OR14A2: variants seen among roughly 807,000 people sequenced by gnomAD.
OR14A2 encodes olfactory receptor 14A2.
For missense variants in OR14A2, 237 were observed against 152.9 expected (o/e 1.55, Z -2.90); for synonymous variants, 114 against 58.6 (o/e 1.95, Z -4.32).
chr1:247,734,024 C>T, the OR14A2 span, among the ~76,000 whole-genome samples: 1 of 152,054 alleles, frequency 6.6e-6, no homozygotes, highest in African/African-American at 2.4e-5. Flanking sequence ...AAAACAATAT[C>T]ATTTATATTA....
chr1:247,735,578 C>T, the OR14A2 span, among the ~76,000 whole-genome samples: 3 of 152,134 alleles, frequency 2.0e-5, no homozygotes, highest in African/African-American at 7.2e-5. Context: ...AATATAAGTA[C>T]AAGTAAAAGT....
At chr1:247,725,569 T>C (rs1558306561), upstream of OR14A2, among the ~76,000 whole-genome samples, 9 of 149,996 alleles carry the variant, frequency 6.0e-5, no homozygotes, top group Admixed American at 5.3e-4. Flanking sequence ...TTAGGGTACA[T>C]GTGCACATTG....
upstream of OR14A2, among the ~76,000 whole-genome samples, chr1:247,725,485 TTTTATTTATTTATTTA>T: frequency 6.7e-6 from 1 of 149,950 alleles, no homozygotes; most frequent in South Asian, 2.1e-4. Context: ...ATCTACAAGA[TTTTATTTATTTATTTA>T]TTTATTTATT....
chr1:247,740,813 T>C, the OR14A2 span, among the ~76,000 whole-genome samples: 2 of 152,226 alleles, frequency 1.3e-5, no homozygotes, highest in Admixed American at 6.5e-5. Flanking sequence ...TATCAGACAC[T>C]TTTGTGTATA....
At chr1:247,730,818 C>T in the OR14A2 span, among the ~76,000 whole-genome samples, 3 of 152,046 alleles carry the variant, frequency 2.0e-5, no homozygotes, top group African/African-American at 7.2e-5. Context: ...TGTGAATTCA[C>T]CTTTCTTCTG....
At chr1:247,725,435 ATAAT>A (rs1249046060), upstream of OR14A2, among the ~76,000 whole-genome samples, 5 of 151,962 alleles carry the variant, frequency 3.3e-5, no homozygotes, top group Non-Finnish European at 5.9e-5. Context: ...GAGGAGGAAG[ATAAT>A]TAATTGTTTT....
chr1:247,727,384 G>T (rs542370659), upstream of OR14A2, among the ~76,000 whole-genome samples: 2 of 151,858 alleles, frequency 1.3e-5, no homozygotes, highest in South Asian at 4.1e-4. Context: ...CATTGATTTT[G>T]TATCCTGAGA....
the OR14A2 span, among the ~76,000 whole-genome samples, chr1:247,745,434 T>C: frequency 6.6e-6 from 1 of 150,450 alleles, no homozygotes; most frequent in African/African-American, 2.4e-5. Context: ...TTTGATAGTA[T>C]GAACCATAAT....
chr1:247,734,198 A>G, the OR14A2 span, among the ~76,000 whole-genome samples: 1 of 152,160 alleles, frequency 6.6e-6, no homozygotes, highest in African/African-American at 2.4e-5. Flanking sequence ...ATGCCTTATT[A>G]GAACAGGGAT....
chr1:247,736,993 C>G, the OR14A2 span, among the ~76,000 whole-genome samples: 3 of 152,168 alleles, frequency 2.0e-5, no homozygotes, highest in Non-Finnish European at 4.4e-5. Flanking sequence ...AGAGGGGTCT[C>G]ATCTTGTTGT....
At chr1:247,729,704 A>G in the OR14A2 span, among the ~76,000 whole-genome samples, 2 of 152,074 alleles carry the variant, frequency 1.3e-5, no homozygotes, top group East Asian at 1.9e-4. Context: ...TAAAAAATCA[A>G]TATGCTTCTC....
chr1:247,740,360 A>G, the OR14A2 span, among the ~76,000 whole-genome samples: 2 of 152,206 alleles, frequency 1.3e-5, no homozygotes, highest in Non-Finnish European at 2.9e-5. Context: ...ATTTCAACTT[A>G]CTTTTACAGT....
At chr1:247,737,599 A>G in the OR14A2 span, among the ~76,000 whole-genome samples, 1 of 152,196 alleles carries the variant, frequency 6.6e-6, no homozygotes, top group Admixed American at 6.5e-5. Flanking sequence ...GCTACTTCCA[A>G]ACTAGCAAAC....
the OR14A2 span, among the ~76,000 whole-genome samples, chr1:247,744,737 G>A: frequency 6.6e-6 from 1 of 152,252 alleles, no homozygotes; most frequent in Middle Eastern, 3.4e-3. The surrounding 1 kb of genome is among the most constrained non-coding windows in gnomAD (Gnocchi z 4.3). Context: ...TATACATGCA[G>A]TTCTGCTACA....
chr1:247,738,657 T>G, the OR14A2 span: 15 of 780,516 alleles, frequency 1.9e-5, no homozygotes, highest in Non-Finnish European at 3.1e-5. Flanking sequence ...GCTTGTGAGA[T>G]TTACTGAGAA....
chr1:247,727,692 A>G (rs1572473965), upstream of OR14A2, among the ~76,000 whole-genome samples: 2 of 147,894 alleles, frequency 1.4e-5, no homozygotes, highest in African/African-American at 2.6e-5. Context: ...TAATAAAGAA[A>G]AAAAGAGAGA....
the OR14A2 span, chr1:247,739,556 A>T: frequency 1.3e-6 from 1 of 771,728 alleles, no homozygotes; most frequent in Non-Finnish European, 2.4e-6. Context: ...TAATGAAAAG[A>T]TGACTAAAGT....
At chr1:247,738,989 C>T in the OR14A2 span, 1 of 780,640 alleles carries the variant, frequency 1.3e-6, no homozygotes, top group African/African-American at 1.7e-5. Flanking sequence ...CTGCCATCTG[C>T]TGCCCCCTAC....
the OR14A2 span, among the ~76,000 whole-genome samples, chr1:247,729,272 G>A: frequency 6.6e-6 from 1 of 152,044 alleles, no homozygotes; most frequent in South Asian, 2.1e-4. Flanking sequence ...TTCCAACGTA[G>A]GTCCAGAACA....
Sources: gnomAD v4.1 joint callset for allele counts (sites outside exome capture counted in the v4.1 genomes callset) on GRCh38, gnomAD v4.1.1 for gene constraint, Gnocchi (gnomAD v3.1) non-coding constraint, MANE v1.5 for transcripts, NCBI Gene and HGNC (gene_info 2026-07-23, HGNC 2026-07-21) for gene names.